The following COBLL1 variants were observed in gnomAD, a reference collection of about 807,000 sequenced individuals.
COBLL1 encodes cordon-bleu protein-like 1.
A neutral mutation model predicts 94.8 loss-of-function variants in COBLL1; 50 were observed. The observed-to-expected ratio is 0.53, with a 90% CI of 0.42 to 0.67. The LOEUF (loss-of-function observed/expected upper bound fraction) is 0.67. Ranked by LOEUF, COBLL1 falls within the 30% of genes least tolerant of loss-of-function variation. The pLI, the probability that COBLL1 is intolerant of heterozygous loss-of-function variation, is 0.00. For missense variants in COBLL1, 1,362 were observed against 1,348.7 expected (o/e 1.01, Z -0.15); for synonymous variants, 448 against 473.8 (o/e 0.95, Z 0.71).
At chr2:164,668,482 C>T (rs1691199857) in intron 1 of COBLL1, among the ~76,000 whole-genome samples, 1 of 152,174 alleles carries the variant, frequency 6.6e-6, no homozygotes, top group South Asian at 2.1e-4. Flanking sequence ...AGAACACATA[C>T]AACATTTCTC....
At chr2:164,665,345 AGAAAGAAAG>A (rs1691140362) in intron 2 of COBLL1, among the ~76,000 whole-genome samples, 1 of 143,112 alleles carries the variant, frequency 7.0e-6, no homozygotes, top group Non-Finnish European at 1.5e-5. Context: ...AAAAAAAGAA[AGAAAGAAAG>A]AAAGAAAGAA....
intron 1 of COBLL1, among the ~76,000 whole-genome samples, chr2:164,672,115 A>C (rs1691251675): frequency 6.6e-6 from 1 of 152,204 alleles, no homozygotes; most frequent in African/African-American, 2.4e-5. Context: ...CTTTGCATAG[A>C]GATGAACACA....
At chr2:164,828,491 A>G (rs905130271) in intron 2 of COBLL1, among the ~76,000 whole-genome samples, 26 of 152,220 alleles carry the variant, frequency 1.7e-4, no homozygotes, top group Non-Finnish European at 2.6e-4. Context: ...CTAGAAAAAA[A>G]ATAAAGCTCT....
intron 11 of COBLL1, chr2:164,696,052 G>A (rs906795228): frequency 2.3e-5 from 11 of 471,936 alleles, no homozygotes; most frequent in African/African-American, 2.2e-4. Flanking sequence ...CTTAACTAGT[G>A]TGGCCACAAC....
intron 2 of COBLL1, among the ~76,000 whole-genome samples, chr2:164,745,291 G>A (rs1385496944): frequency 6.6e-6 from 1 of 152,054 alleles, no homozygotes; most frequent in Non-Finnish European, 1.5e-5. Context: ...ACTCTTAGTG[G>A]TATAATAATA....
chr2:164,737,636 T>C (rs986203610), intron 3 of COBLL1, among the ~76,000 whole-genome samples: 2 of 152,180 alleles, frequency 1.3e-5, no homozygotes, highest in African/African-American at 4.8e-5. Flanking sequence ...TTATCACACA[T>C]TTGTCATCAC....
chr2:164,783,145 T>C (rs1404751261), intron 2 of COBLL1, among the ~76,000 whole-genome samples: 1 of 152,206 alleles, frequency 6.6e-6, no homozygotes, highest in African/African-American at 2.4e-5. Context: ...CTCACACCTA[T>C]AATTCCATCA....
intron 6 of COBLL1, 47 bp from the exon 7 acceptor site, chr2:164,722,358 G>A (rs773496662): frequency 8.5e-6 from 13 of 1,535,888 alleles, no homozygotes; most frequent in Non-Finnish European, 1.1e-5. Context: ...CAAGATATTA[G>A]TAAAAAGCAT....
At chr2:164,840,825 A>C in intron 2 of COBLL1, 1 of 247,434 alleles carries the variant, frequency 4.0e-6, no homozygotes, top group South Asian at 1.8e-4. Context: ...ACTTACAGGT[A>C]TCGTCCACCG....
rs1683139691 is a variant in COBLL1, at chr2:164,683,534, A to T, written c.*2412T>A. On this transcript the variant is annotated 3_prime_UTR_variant, in exon 14 of 14. Transcript: ENST00000652658. The stretch of plus-strand genomic sequence containing the variant: ...TAATTATAAACTACAAGTATACTAG[A>T]ATTTAGAATATAATAAGCACTTGTT... 6.6e-6 allele frequency: 1 copy of T among 152,148 alleles called. No individual in the cohort carries two copies. Among genetic ancestry groups the T allele is most frequent in the Non-Finnish European group, 1.5e-5 (1 of 68,026 alleles). The allele number at this position is 152,148 out of a possible 1,614,324, so 9.4% of individuals were successfully genotyped here. A position where few individuals can be genotyped will look rare whatever the true frequency, so the allele number is the denominator to read the frequency against.
chr2:164,725,672 A>C (rs1685691577), intron 5 of COBLL1, among the ~76,000 whole-genome samples: 1 of 151,380 alleles, frequency 6.6e-6, no homozygotes, highest in Non-Finnish European at 1.5e-5. Context: ...TCCCACCTTG[A>C]CCTCCCAAAG....
intron 2 of COBLL1, among the ~76,000 whole-genome samples, chr2:164,816,499 C>A (rs1022977922): frequency 1.3e-5 from 2 of 152,082 alleles, no homozygotes; most frequent in Non-Finnish European, 2.9e-5. Flanking sequence ...TTGGAAATAA[C>A]CCTGCAGTGT....
At position 164,681,874 on chromosome 2, in the gene COBLL1, C is replaced by T. The variant is rs901321901; in HGVS notation, c.*4072G>A. 1 of 152,182 alleles carries T rather than the reference C, an allele frequency of 6.6e-6. No individual in the cohort carries two copies. Among genetic ancestry groups the T allele is most frequent in the Non-Finnish European group, 1.5e-5 (1 of 68,026 alleles). 9.4% of individuals were successfully genotyped at this position (152,182 alleles called of 1,614,324 possible). ...TCTCAAAATACCTGTCAAAAAAGTTCTGAGCACATGGTGGCATTTTTTCCT... is the reference window on the plus strand; with the variant it reads ...TCTCAAAATACCTGTCAAAAAAGTTTTGAGCACATGGTGGCATTTTTTCCT... On this transcript the variant is annotated 3_prime_UTR_variant, in exon 14 of 14. Coordinates refer to ENST00000652658, the MANE Select transcript of COBLL1 (RefSeq NM_001365672.2).
At chr2:164,809,541 A>G (rs1196715809) in intron 2 of COBLL1, among the ~76,000 whole-genome samples, 2 of 152,070 alleles carry the variant, frequency 1.3e-5, no homozygotes, top group East Asian at 3.8e-4. Flanking sequence ...TTCAAGAACA[A>G]ATAGCCAACT....
rs1195492879 is a variant in COBLL1 at position 164,699,430 on chromosome 2, C to T, written c.1530G>A (p.Lys510=). Residue 510 remains lysine (K), a synonymous_variant, in exon 11 of 14, where the codon AAG becomes AAA. Coordinates refer to ENST00000652658, the MANE Select transcript of COBLL1 (RefSeq NM_001365672.2). Reference sequence around the variant, plus strand: ...CATTCTCTTGGTTTGGGCCCAACGACTTCAAGTTTCTTATACTGTCAACTA... The same window carrying T: ...CATTCTCTTGGTTTGGGCCCAACGATTTCAAGTTTCTTATACTGTCAACTA... ...KKVVDSIRNL[K]SLGPNQENVV... is the part of the protein sequence containing the mutation. 1 of 1,611,678 alleles carries T rather than the reference C, an allele frequency of 6.2e-7. No homozygotes were observed. The highest frequency in any genetic ancestry group is 8.5e-7 in the Non-Finnish European group (1 of 1,178,058).
At chr2:164,819,936 G>A (rs574471337) in intron 2 of COBLL1, among the ~76,000 whole-genome samples, 46 of 148,702 alleles carry the variant, frequency 3.1e-4, no homozygotes, top group African/African-American at 8.2e-4. Context: ...AGCAATTCTC[G>A]TGCCTCAGCC....
chr2:164,695,843 G>A lies in COBLL1; in HGVS notation c.1556-7C>T, dbSNP rs1558928678. The A allele has an allele frequency of 6.5e-7, 1 of 1,531,728 alleles. No homozygotes were observed. Among genetic ancestry groups the A allele is most frequent in the Middle Eastern group, 2.0e-4 (1 of 5,046 alleles). 94.9% of individuals were successfully genotyped at this position (1,531,728 alleles called of 1,614,324 possible). ...ATTATTTCATTTTGAACTACTGAGAGAAAAAAATCATCAAGTTAAATATAT... is the reference window on the plus strand; with the variant it reads ...ATTATTTCATTTTGAACTACTGAGAAAAAAAAATCATCAAGTTAAATATAT... On this transcript the variant is annotated splice_region_variant and splice_polypyrimidine_tract_variant and intron_variant, in intron 11 of 13. Coordinates refer to ENST00000652658, the MANE Select transcript of COBLL1 (RefSeq NM_001365672.2).
At chr2:164,767,798 C>T (rs992702946) in intron 2 of COBLL1, among the ~76,000 whole-genome samples, 2 of 152,052 alleles carry the variant, frequency 1.3e-5, no homozygotes, top group African/African-American at 4.8e-5. Flanking sequence ...TTTATGAAAA[C>T]AGCTCTTCCT....
chr2:164,699,271 T>C, intron 11 of COBLL1, 134 bp downstream of exon 11: 1 of 661,580 alleles, frequency 1.5e-6, no homozygotes, highest in Non-Finnish European at 2.8e-6. Flanking sequence ...ATAGTACCCA[T>C]AATATCCATA....
Sources: gnomAD v4.1 joint callset for allele counts (sites outside exome capture counted in the v4.1 genomes callset) on GRCh38, gnomAD v4.1.1 for gene constraint, MANE v1.5 for transcripts, NCBI Gene and HGNC (gene_info 2026-07-23, HGNC 2026-07-21) for gene names.